VPS13A: variants seen among roughly 807,000 people sequenced by gnomAD.
The protein encoded by VPS13A is intermembrane lipid transfer protein VPS13A.
VPS13A carries 264 observed loss-of-function variants against 390.9 expected under a neutral mutation model. That is an observed-to-expected ratio of 0.68 (90% CI 0.61 to 0.75). The LOEUF is 0.75. Ranked by LOEUF, VPS13A falls within the 30% of genes least tolerant of loss-of-function variation. The pLI is 0.00. For synonymous variants in VPS13A, 1,231 were observed against 1,227.1 expected, an observed-to-expected ratio of 1.00 and a Z score of -0.07; for missense variants, 3,409 against 3,733.9, an observed-to-expected ratio of 0.91 and a Z score of 2.27.
intron 33 of VPS13A, 83 bp downstream of exon 33, chr9:77,295,929 T>C: frequency 1.5e-6 from 2 of 1,348,624 alleles, no homozygotes; most frequent in South Asian, 2.5e-5. Context: ...GTAGTCTGTT[T>C]ACAGTGAGAT....
rs1832005900 is a variant in VPS13A, at chr9:77,359,365, A to G, written c.8068A>G (p.Met2690Val). The G allele has an allele frequency of 3.7e-6, 6 of 1,613,528 alleles. No individual in the cohort carries two copies. Among genetic ancestry groups the G allele is most frequent in the Non-Finnish European group, 5.1e-6 (6 of 1,179,716 alleles). Residue 2690 changes from methionine (M) to valine (V), a missense_variant, in exon 58 of 72, where the codon ATG (methionine) becomes GTG (valine). Transcript: ENST00000360280. The stretch of plus-strand genomic sequence containing the variant: ...GCCCTTTACAGATGTCAGTATTGTC[A>G]TGAGATCTGCAGGACATTCCCAGAT... Reference protein sequence around the residue: ...PKPFTDVSIVMRSAGHSQISR... With the variant: ...PKPFTDVSIVVRSAGHSQISR...
chr9:77,403,838 T>C (rs1834485428), intron 69 of VPS13A, among the ~76,000 whole-genome samples: 1 of 152,132 alleles, frequency 6.6e-6, no homozygotes, highest in East Asian at 1.9e-4. Flanking sequence ...AAGTCATTGT[T>C]AAACTAGGGA....
chr9:77,259,961 G>A (rs1825663398), intron 22 of VPS13A, 125 bp from the exon 23 acceptor site: 1 of 708,276 alleles, frequency 1.4e-6, no homozygotes. Flanking sequence ...ACGGAAATTG[G>A]AATAGAGATT....
rs571155545 is a variant in VPS13A at position 77,420,604 on chromosome 9, T to C, written c.*4598T>C. 2.0e-5 allele frequency: 3 copies of C among 152,242 alleles called. 1 individual carries two copies. In the South Asian group the frequency reaches 6.2e-4, roughly 31 times the overall value. 9.4% of individuals were successfully genotyped at this position (152,242 alleles called of 1,614,324 possible). A position where few individuals can be genotyped will look rare whatever the true frequency, so the allele number is the denominator to read the frequency against. On this transcript the variant is annotated 3_prime_UTR_variant, in exon 72 of 72. Coordinates refer to ENST00000360280, the MANE Select transcript of VPS13A (RefSeq NM_033305.3). ...TACAAATACAAATTAATTTATATTA[T>C]AGTTTAACACCTGCTATGATGATAG...
intron 17 of VPS13A, among the ~76,000 whole-genome samples, chr9:77,234,427 T>A (rs1162420743): frequency 6.6e-6 from 1 of 152,240 alleles, no homozygotes; most frequent in East Asian, 1.9e-4. Flanking sequence ...CCTTTCACTT[T>A]CAACCCATAT....
At chr9:77,279,421 CA>C (rs1805386607) in intron 26 of VPS13A, among the ~76,000 whole-genome samples, 1 of 152,064 alleles carries the variant, frequency 6.6e-6, no homozygotes, top group African/African-American at 2.4e-5. Context: ...TGCCACTCTC[CA>C]CCACTCTTTT....
rs73451816 is a variant in VPS13A at position 77,384,867 on chromosome 9, A to G, written c.9189+2780A>G. 165,146 of 1,428,340 alleles carry G rather than the reference A, an allele frequency of 0.12. 10,506 individuals are homozygous for G. Among genetic ancestry groups the G allele is most frequent in the East Asian group, 0.23 (9,103 of 39,358 alleles). The allele number at this position is 1,428,340 out of a possible 1,614,324, so 88.5% of individuals were successfully genotyped here. A position where few individuals can be genotyped will look rare whatever the true frequency, so the allele number is the denominator to read the frequency against. ...AAGCACAGAAAAAAATGTATCTTAC[A>G]TCCAAAGTAGGGAGGGCATCCAACA... is the stretch of plus-strand genomic sequence containing the variant. On this transcript the variant is annotated intron_variant, in intron 68 of 71. Transcript: ENST00000360280.
At chr9:77,226,412 C>G (rs1823518175) in intron 14 of VPS13A, 54 bp from the exon 15 acceptor site, 1 of 1,503,156 alleles carries the variant, frequency 6.7e-7, no homozygotes, top group African/African-American at 1.4e-5. Context: ...ATATTTGTTT[C>G]AGTTGCTAAA....
chr9:77,258,235 T>C (rs532696807), intron 22 of VPS13A, among the ~76,000 whole-genome samples: 6 of 152,286 alleles, frequency 3.9e-5, no homozygotes, highest in African/African-American at 1.4e-4. Context: ...AAGGCTTTTC[T>C]CATCTAACAT....
chr9:77,226,995 C>T (rs1823552680), intron 15 of VPS13A, among the ~76,000 whole-genome samples: 2 of 152,190 alleles, frequency 1.3e-5, no homozygotes, highest in South Asian at 4.1e-4. Context: ...AGATCTATCA[C>T]TTATTAGCAG....
In VPS13A at chr9:77,250,195, A is replaced by C. The variant is rs1389344705; in HGVS notation, c.2136A>C (p.Gln712His). The C allele has an allele frequency of 3.1e-6, 5 of 1,613,848 alleles. No individual in the cohort carries two copies. The highest frequency in any genetic ancestry group is 4.2e-6 in the Non-Finnish European group (5 of 1,179,900). ...MDRAYDSFDI[Q>H]LTSVQLLYSR... ...GAGCTTATGATTCATTTGATATTCA[A>C]CTTACAAGTGTACAGCTGCTTTACA... is the stretch of plus-strand genomic sequence containing the variant. The change falls in exon 21 of 72, where the codon CAA (glutamine) becomes CAC (histidine). Residue 712 changes from glutamine to histidine, a missense_variant. Physicochemically the swap from Gln to His is conservative, Grantham distance 24 (BLOSUM62 0). Transcript: ENST00000360280.
chr9:77,363,116 G>C (rs188320931), intron 59 of VPS13A, among the ~76,000 whole-genome samples: 3 of 151,988 alleles, frequency 2.0e-5, no homozygotes, highest in African/African-American at 7.2e-5. Flanking sequence ...TTCCCTAGTT[G>C]TTGTGTCTAG....
intron 31 of VPS13A, among the ~76,000 whole-genome samples, chr9:77,289,045 A>G (rs921690282): frequency 6.6e-6 from 1 of 152,002 alleles, no homozygotes; most frequent in Non-Finnish European, 1.5e-5. Flanking sequence ...GTTAGGTTTG[A>G]ATGGTCTATC....
intron 67 of VPS13A, among the ~76,000 whole-genome samples, chr9:77,379,317 C>T (rs144474483): frequency 0.01 from 1,572 of 151,428 alleles, 19 homozygotes; most frequent in African/African-American, 0.025. Context: ...CTCAGCTCAC[C>T]GCAACCTCCG....
At chr9:77,401,330 TGTGTGTGTG>T (rs1359286419) in intron 68 of VPS13A, among the ~76,000 whole-genome samples, 49 of 4,136 alleles carry the variant, frequency 0.012, no homozygotes, top group African/African-American at 0.022. Flanking sequence ...CACATGAAGT[TGTGTGTGTG>T]TGTGTGTGTG....
chr9:77,361,118 G>A (rs1203388532), intron 59 of VPS13A, among the ~76,000 whole-genome samples: 2 of 152,070 alleles, frequency 1.3e-5, no homozygotes, highest in Admixed American at 1.3e-4. Flanking sequence ...ATTAGTAACA[G>A]TCTATTGAGG....
chr9:77,322,474 A>G (rs1033157284), intron 44 of VPS13A, among the ~76,000 whole-genome samples: 1 of 152,002 alleles, frequency 6.6e-6, no homozygotes, highest in Non-Finnish European at 1.5e-5. Flanking sequence ...GTTAGAAAAT[A>G]ACATGTAACA....
intron 19 of VPS13A, among the ~76,000 whole-genome samples, chr9:77,240,646 T>A (rs1357714240): frequency 6.7e-6 from 1 of 149,678 alleles, no homozygotes; most frequent in East Asian, 2.0e-4. Context: ...CCCAGCTAAT[T>A]TTTGTATTTT....
At chr9:77,298,831 C>T (rs1828165832) in intron 33 of VPS13A, among the ~76,000 whole-genome samples, 1 of 152,068 alleles carries the variant, frequency 6.6e-6, no homozygotes, top group African/African-American at 2.4e-5. Flanking sequence ...ATAAGTCTCA[C>T]GAACTCTGAT....
Sources: allele counts gnomAD v4.1 joint callset (sites outside exome capture counted in the v4.1 genomes callset), GRCh38; gene constraint gnomAD v4.1.1; transcripts MANE v1.5; gene names NCBI Gene and HGNC (gene_info 2026-07-23, HGNC 2026-07-21).